SUPT3H: variants seen among roughly 807,000 people sequenced by gnomAD.
The protein encoded by SUPT3H is transcription initiation protein SPT3 homolog.
In SUPT3H, 44 loss-of-function variants were observed where a neutral mutation model predicts 44.3. The ratio of observed to expected loss-of-function variants is 0.99; its 90% confidence interval spans 0.78 to 1.28. The LOEUF is 1.28. SUPT3H is among the 50% of genes most tolerant of loss of function. The probability of loss-of-function intolerance (pLI) is 0.00; values close to 1 mark genes in which losing one functional copy is unlikely to be tolerated. For missense variants in SUPT3H, 380 were observed against 387.1 expected, an observed-to-expected ratio of 0.98 and a Z score of 0.15; for synonymous variants, 124 against 125.6, an observed-to-expected ratio of 0.99 and a Z score of 0.09.
In SUPT3H at chr6:44,973,007, C is replaced by A. The variant is rs114081331; in HGVS notation, c.505-11179G>T. 6.3e-3 allele frequency among the ~76,000 whole-genome samples: 946 copies of A among 149,272 alleles called. 17 individuals carry two copies. The highest frequency in any genetic ancestry group is 0.023 in the African/African-American group (895 of 38,702). On this transcript the variant is annotated intron_variant, in intron 6 of 10. Transcript: ENST00000371459. The stretch of plus-strand genomic sequence containing the variant: ...CCCTGTTTTGGCAATTAACATTTTG[C>A]TCCTCATTATTTATGCAAATTTCTG...
chr6:45,310,745 G>A (rs1249462063), intron 2 of SUPT3H, among the ~76,000 whole-genome samples: 1 of 152,122 alleles, frequency 6.6e-6, no homozygotes, highest in Non-Finnish European at 1.5e-5. Context: ...ACTACATCAA[G>A]GGAACCCCCT....
At chr6:44,963,933 G>A (rs1255182430) in intron 6 of SUPT3H, among the ~76,000 whole-genome samples, 2 of 151,712 alleles carry the variant, frequency 1.3e-5, no homozygotes, top group African/African-American at 4.8e-5. Context: ...GGGAGGCAGA[G>A]GTTGTAGTGA....
rs1777627879 is a variant in SUPT3H, at chr6:44,878,337, T to C, written c.913-48480A>G. 2.0e-5 allele frequency among the ~76,000 whole-genome samples: 3 copies of C among 152,176 alleles called. No individual in the cohort carries two copies. In the South Asian group the frequency reaches 6.2e-4, roughly 32 times the overall value. ...AGATACATGTATTTGTAACGTTTAA[T>C]GGAACCTAAACTCTTTTAAAAACAA... On this transcript the variant is annotated intron_variant, in intron 10 of 10. Transcript: ENST00000371459.
intron 3 of SUPT3H, among the ~76,000 whole-genome samples, chr6:45,045,119 C>G (rs973859243): frequency 3.9e-5 from 6 of 152,062 alleles, no homozygotes; most frequent in African/African-American, 1.4e-4. Flanking sequence ...TAAGAAATGT[C>G]ACAAGTAAAT....
intron 2 of SUPT3H, among the ~76,000 whole-genome samples, chr6:45,169,187 T>A (rs1748233): frequency 0.87 from 132,374 of 152,130 alleles, 57,831 homozygotes; most frequent in African/African-American, 0.91. Flanking sequence ...TGAGGGAAAA[T>A]ATTAAGCCAA....
intron 6 of SUPT3H, among the ~76,000 whole-genome samples, chr6:44,963,044 A>G (rs913430942): frequency 2.0e-5 from 3 of 151,774 alleles, no homozygotes; most frequent in East Asian, 1.9e-4. Context: ...ATATATACAC[A>G]TATAATGTAT....
At chr6:45,083,196 TTATTATTA>T (rs1275158178) in intron 3 of SUPT3H, among the ~76,000 whole-genome samples, 11 of 149,516 alleles carry the variant, frequency 7.4e-5, no homozygotes, top group Non-Finnish European at 1.6e-4. Context: ...ATTATTATTA[TTATTATTA>T]TTTTTCAGAC....
At chr6:45,332,351 T>TAC (rs1373623861) in intron 2 of SUPT3H, among the ~76,000 whole-genome samples, 1 of 151,444 alleles carries the variant, frequency 6.6e-6, no homozygotes, top group Non-Finnish European at 1.5e-5. Flanking sequence ...CAACTGTATA[T>TAC]ATATATTTAA....
chr6:45,094,401 T>G (rs1262859120), intron 3 of SUPT3H, among the ~76,000 whole-genome samples: 3 of 152,274 alleles, frequency 2.0e-5, no homozygotes, highest in East Asian at 3.9e-4. Flanking sequence ...AGACAATACT[T>G]GTAATTTACT....
intron 2 of SUPT3H, among the ~76,000 whole-genome samples, chr6:45,310,834 C>T (rs1783833369): frequency 6.6e-6 from 1 of 152,144 alleles, no homozygotes; most frequent in African/African-American, 2.4e-5. Flanking sequence ...AGGAAAGAAC[C>T]AGGAAATCAA....
intron 2 of SUPT3H, among the ~76,000 whole-genome samples, chr6:45,269,780 T>C (rs1775827317): frequency 2.0e-5 from 3 of 152,220 alleles, no homozygotes; most frequent in Admixed American, 2.0e-4. Flanking sequence ...TATTGAGATA[T>C]AACTCACATA....
chr6:45,017,500 T>C (rs557288989), intron 4 of SUPT3H, among the ~76,000 whole-genome samples: 3,354 of 152,128 alleles, frequency 0.022, 128 homozygotes, highest in African/African-American at 0.076. Context: ...AAGTCTTTAA[T>C]CCATCTTGAA....
At chr6:45,236,171 CAT>C (rs2153643960) in intron 2 of SUPT3H, among the ~76,000 whole-genome samples, 1 of 152,134 alleles carries the variant, frequency 6.6e-6, no homozygotes, top group Non-Finnish European at 1.5e-5. Context: ...TATATTTGTG[CAT>C]ATGTCTTTAA....
At chr6:45,333,729 G>T (rs750143807) in intron 2 of SUPT3H, among the ~76,000 whole-genome samples, 1 of 151,034 alleles carries the variant, frequency 6.6e-6, no homozygotes, top group Non-Finnish European at 1.5e-5. Context: ...GCCTTTAAAG[G>T]CTAGTTGCTA....
intron 6 of SUPT3H, among the ~76,000 whole-genome samples, chr6:44,988,903 C>T (rs1212236415): frequency 6.6e-6 from 1 of 152,014 alleles, no homozygotes; most frequent in African/African-American, 2.4e-5. Flanking sequence ...GGCTTCTTTT[C>T]TTCCTGGTTT....
chr6:45,211,467 T>C (rs1011470595), intron 2 of SUPT3H, among the ~76,000 whole-genome samples: 8 of 152,160 alleles, frequency 5.3e-5, no homozygotes, highest in African/African-American at 4.8e-5. Flanking sequence ...ATTATTTTTA[T>C]TATAATTATG....
downstream of SUPT3H, among the ~76,000 whole-genome samples, chr6:44,822,643 G>A (rs1424755104): frequency 6.6e-6 from 1 of 152,098 alleles, no homozygotes; most frequent in Non-Finnish European, 1.5e-5. Flanking sequence ...ACTCACAAAG[G>A]CCACAAGAAA....
At chr6:45,332,754 G>GA (rs944550896) in intron 2 of SUPT3H, among the ~76,000 whole-genome samples, 1 of 151,538 alleles carries the variant, frequency 6.6e-6, no homozygotes, top group Non-Finnish European at 1.5e-5. Context: ...AACTCAATGT[G>GA]AAAAAAATCC....
At chr6:45,366,330 CAA>C (rs1795131285) in intron 1 of SUPT3H, among the ~76,000 whole-genome samples, 1 of 152,108 alleles carries the variant, frequency 6.6e-6, no homozygotes, top group Admixed American at 6.6e-5. Flanking sequence ...AGACTTTGGG[CAA>C]GTTACCTAAC....
Sources: allele counts gnomAD v4.1 joint callset (sites outside exome capture counted in the v4.1 genomes callset), GRCh38; gene constraint gnomAD v4.1.1; transcripts MANE v1.5; gene names NCBI Gene and HGNC (gene_info 2026-07-23, HGNC 2026-07-21).